PDZRN3: variants seen among roughly 807,000 people sequenced by gnomAD.
The protein encoded by PDZRN3 is E3 ubiquitin-protein ligase PDZRN3.
PDZRN3 carries 38 observed loss-of-function variants against 85.7 expected under a neutral mutation model. The observed-to-expected ratio is 0.44, with a 90% CI of 0.34 to 0.58. PDZRN3 has a LOEUF of 0.58. Among genes scored for constraint, PDZRN3 ranks in the 20% least tolerant of loss-of-function variants. The pLI, the probability that PDZRN3 is intolerant of heterozygous loss-of-function variation, is 0.01. For missense variants in PDZRN3, 1,629 were observed against 1,506.4 expected, an observed-to-expected ratio of 1.08 and a Z score of -1.35; for synonymous variants, 759 against 638.0, an observed-to-expected ratio of 1.19 and a Z score of -2.86.
chr3:73,408,954 G>C (rs1467181438), intron 3 of PDZRN3, among the ~76,000 whole-genome samples: 1 of 152,064 alleles, frequency 6.6e-6, no homozygotes, highest in African/African-American at 2.4e-5. Flanking sequence ...AGTGACGTTT[G>C]GCCCGGTCAA....
intron 1 of PDZRN3, chr3:73,623,731 T>A (rs2106924758): frequency 5.4e-6 from 1 of 184,904 alleles, no homozygotes; most frequent in Admixed American, 6.2e-5. Context: ...CTCTAGAGGG[T>A]AAGCAACTTG....
intron 3 of PDZRN3, chr3:73,569,090 G>C: frequency 9.5e-7 from 1 of 1,048,636 alleles, no homozygotes; most frequent in East Asian, 5.9e-5. Context: ...TGCTGCAGCT[G>C]AACTTTGAAC....
chr3:73,496,069 C>G (rs1309320169), intron 3 of PDZRN3, among the ~76,000 whole-genome samples: 2 of 151,310 alleles, frequency 1.3e-5, no homozygotes, highest in Non-Finnish European at 2.9e-5. Context: ...GACTAAGTCT[C>G]AAGTCAAGAT....
intron 7 of PDZRN3, 179 bp from the exon 8 acceptor site, chr3:73,388,248 C>T (rs1218706648): frequency 2.0e-6 from 1 of 498,978 alleles, no homozygotes. Flanking sequence ...TTGCTCAGAC[C>T]AATGCAGTTT....
At chr3:73,474,797 GA>G (rs1329883685) in intron 3 of PDZRN3, among the ~76,000 whole-genome samples, 1 of 152,138 alleles carries the variant, frequency 6.6e-6, no homozygotes. Flanking sequence ...AGCAAGCTGT[GA>G]AATGAACCAA....
At chr3:73,496,332 T>A (rs1703865500) in intron 3 of PDZRN3, among the ~76,000 whole-genome samples, 1 of 152,032 alleles carries the variant, frequency 6.6e-6, no homozygotes, top group African/African-American at 2.4e-5. Context: ...TTCCTTTGAT[T>A]CCTTATTAAC....
chr3:73,591,219 T>C (rs1432282504), intron 3 of PDZRN3, among the ~76,000 whole-genome samples: 1 of 152,184 alleles, frequency 6.6e-6, no homozygotes, highest in Non-Finnish European at 1.5e-5. Flanking sequence ...TTTAAGAAAA[T>C]CCCAATATTA....
chr3:73,418,662 G>GC (rs1301883444), intron 3 of PDZRN3, among the ~76,000 whole-genome samples: 1 of 152,058 alleles, frequency 6.6e-6, no homozygotes, highest in African/African-American at 2.4e-5. Flanking sequence ...CAGGAACTGG[G>GC]CCCCCGTCCT....
chr3:73,620,256 G>T (rs1702834708), intron 1 of PDZRN3, among the ~76,000 whole-genome samples: 1 of 152,238 alleles, frequency 6.6e-6, no homozygotes, highest in African/African-American at 2.4e-5. Context: ...AGGATTCAAA[G>T]ACAGACCGGA....
chr3:73,507,628 T>C (rs1053737893), intron 3 of PDZRN3, among the ~76,000 whole-genome samples: 2 of 152,214 alleles, frequency 1.3e-5, no homozygotes, highest in African/African-American at 4.8e-5. Context: ...TTATGGAGTT[T>C]GACAATGTCA....
chr3:73,385,078 A>T, intron 9 of PDZRN3, 148 bp from the exon 10 acceptor site: 5 of 853,238 alleles, frequency 5.9e-6, no homozygotes, highest in Non-Finnish European at 5.3e-6. Flanking sequence ...CCACGTCAAT[A>T]GCGTGGGCCT....
At position 73,624,921 on chromosome 3, in the gene PDZRN3, C is replaced by T. The variant is rs1702948816; in HGVS notation, c.-96G>A. ...ACAGGCCGGCTACGCCGCCCGCGCG[C>T]TCGCTGGCTCTCCCCGGACTGAGCC... On this transcript the variant is annotated 5_prime_UTR_variant, in exon 1 of 10. Transcript: ENST00000263666. The T allele has an allele frequency of 5.3e-6, 5 of 939,674 alleles. No homozygotes were observed. Among genetic ancestry groups the T allele is most frequent in the African/African-American group, 1.7e-5 (1 of 58,380 alleles). 58.2% of individuals were successfully genotyped at this position (939,674 alleles called of 1,614,324 possible).
intron 3 of PDZRN3, among the ~76,000 whole-genome samples, chr3:73,488,833 C>A (rs1305649014): frequency 6.6e-6 from 1 of 152,234 alleles, no homozygotes; most frequent in African/African-American, 2.4e-5. Context: ...GGAGCATGCA[C>A]TGGGGACCTG....
intron 1 of PDZRN3, among the ~76,000 whole-genome samples, chr3:73,617,886 A>G (rs1477907542): frequency 6.6e-6 from 1 of 152,146 alleles, no homozygotes; most frequent in East Asian, 1.9e-4. Context: ...TTGTATTTTT[A>G]GCAGAGACTG....
intron 3 of PDZRN3, among the ~76,000 whole-genome samples, chr3:73,450,533 G>A (rs17011163): frequency 0.031 from 4,736 of 152,246 alleles, 240 homozygotes; most frequent in African/African-American, 0.11. Context: ...TTAGCAGGGA[G>A]GACATGCTAT....
At chr3:73,537,603 CTTCT>C (rs1704817643) in intron 3 of PDZRN3, among the ~76,000 whole-genome samples, 1 of 131,522 alleles carries the variant, frequency 7.6e-6, no homozygotes, top group Non-Finnish European at 1.7e-5. Context: ...GACCTGTTAT[CTTCT>C]TTTTTTTAAT....
intron 3 of PDZRN3, among the ~76,000 whole-genome samples, chr3:73,471,060 A>G (rs1703329332): frequency 6.6e-6 from 1 of 152,202 alleles, no homozygotes; most frequent in Non-Finnish European, 1.5e-5. Context: ...ATGTGACCTT[A>G]TTTGGAAATA....
chr3:73,496,207 C>A (rs1190321428), intron 3 of PDZRN3, among the ~76,000 whole-genome samples: 3 of 152,060 alleles, frequency 2.0e-5, no homozygotes, highest in Non-Finnish European at 4.4e-5. Flanking sequence ...TACCCTGTAC[C>A]CATCATTTAA....
In PDZRN3 at chr3:73,624,513, A is replaced by T; in HGVS notation, c.313T>A (p.Cys105Ser). ...LQQLPEHLER[C>S]DFAPARCRHA... is the part of the protein sequence containing the mutation. ...CGACAGCGCGCGGGCGCGAAGTCGC[A>T]GCGCTCGAGGTGCTCCGGCAGCTGC... The change falls in exon 1 of 10, where the codon TGC becomes AGC. Residue 105 changes from cysteine (C) to serine (S), a missense_variant. Cys to Ser is a moderately radical substitution (Grantham distance 112). Transcript: ENST00000263666. 1 of 1,444,914 alleles carries T rather than the reference A, an allele frequency of 6.9e-7. No homozygotes were observed. The highest frequency in any genetic ancestry group is 9.0e-7 in the Non-Finnish European group (1 of 1,106,030). 89.5% of individuals were successfully genotyped at this position (1,444,914 alleles called of 1,614,324 possible). A position where few individuals can be genotyped will look rare whatever the true frequency, so the allele number is the denominator to read the frequency against.
Sources: allele counts gnomAD v4.1 joint callset (sites outside exome capture counted in the v4.1 genomes callset), GRCh38; gene constraint gnomAD v4.1.1; transcripts MANE v1.5; gene names NCBI Gene and HGNC (gene_info 2026-07-23, HGNC 2026-07-21).